GOLM2: variants seen among roughly 807,000 people sequenced by gnomAD.
GOLM2 encodes golgi membrane protein 2.
GOLM2 carries 26 observed loss-of-function variants against 55.9 expected under a neutral mutation model. The observed-to-expected ratio is 0.47, with a 90% CI of 0.34 to 0.65. The LOEUF is 0.65. Among genes scored for constraint, GOLM2 ranks in the 30% least tolerant of loss-of-function variants. The pLI is 0.01. For synonymous variants in GOLM2, 165 were observed against 194.6 expected, an observed-to-expected ratio of 0.85 and a Z score of 1.27; for missense variants, 486 against 531.8, an observed-to-expected ratio of 0.91 and a Z score of 0.85.
intron 4 of GOLM2, 27 bp downstream of exon 4, chr15:44,332,105 C>A (rs760849060): frequency 3.8e-6 from 4 of 1,056,710 alleles, no homozygotes; most frequent in South Asian, 1.5e-5. Context: ...TACTTAAATC[C>A]AAATATTTTT....
chr15:44,314,297 A>G (rs556933136), intron 1 of GOLM2, among the ~76,000 whole-genome samples: 171 of 151,934 alleles, frequency 1.1e-3, no homozygotes, highest in Non-Finnish European at 1.7e-3. Flanking sequence ...GGTGGCTCAC[A>G]CCTGTAATCC....
chr15:44,354,812 C>A, intron 6 of GOLM2: 1 of 178,576 alleles, frequency 5.6e-6, no homozygotes, highest in South Asian at 1.3e-4. Context: ...TCACTGACTC[C>A]AGCTACATGG....
At chr15:44,330,454 A>G (rs2079015327) in intron 3 of GOLM2, among the ~76,000 whole-genome samples, 1 of 145,050 alleles carries the variant, frequency 6.9e-6, no homozygotes, top group Non-Finnish European at 1.5e-5. Context: ...CAGAGGTTGT[A>G]GTGAGCCGAG....
At chr15:44,391,747 AAGAT>A (rs1408772236) in intron 8 of GOLM2, among the ~76,000 whole-genome samples, 4 of 152,204 alleles carry the variant, frequency 2.6e-5, no homozygotes, top group Admixed American at 6.6e-5. Context: ...CTGACAGAAA[AAGAT>A]AGGGAAAATC....
intron 7 of GOLM2, 116 bp from the exon 8 acceptor site, chr15:44,380,690 G>T: frequency 1.6e-6 from 1 of 631,778 alleles, no homozygotes; most frequent in Non-Finnish European, 2.3e-6. Flanking sequence ...AAGCTTTGTG[G>T]CTACCCAATG....
At chr15:44,308,413 T>G (rs939206702) in intron 1 of GOLM2, 2 of 152,246 alleles carry the variant, frequency 1.3e-5, no homozygotes, top group Non-Finnish European at 2.9e-5. Flanking sequence ...TCTTTATGGC[T>G]GATAATATTT....
intron 8 of GOLM2, among the ~76,000 whole-genome samples, chr15:44,401,922 C>T (rs913332774): frequency 2.0e-5 from 3 of 150,590 alleles, no homozygotes; most frequent in Admixed American, 6.6e-5. Flanking sequence ...CTCTGCCTCC[C>T]GGGCTCAAGC....
At chr15:44,374,336 G>A (rs1218077508) in intron 6 of GOLM2, among the ~76,000 whole-genome samples, 4 of 151,804 alleles carry the variant, frequency 2.6e-5, no homozygotes, top group Middle Eastern at 3.4e-3. Flanking sequence ...TGTAGTGGTC[G>A]GATCTTGCAT....
intron 1 of GOLM2, among the ~76,000 whole-genome samples, chr15:44,290,584 C>T (rs750243155): frequency 2.6e-5 from 4 of 152,092 alleles, no homozygotes; most frequent in Admixed American, 6.6e-5. Context: ...TTTATATGTG[C>T]GCTGCATGCT....
At chr15:44,362,174 G>A (rs1237183850) in intron 6 of GOLM2, among the ~76,000 whole-genome samples, 1 of 149,688 alleles carries the variant, frequency 6.7e-6, no homozygotes. Flanking sequence ...ATTCAACATA[G>A]TGTTGGAAGT....
chr15:44,345,868 T>C (rs1257301303), intron 6 of GOLM2: 1 of 152,038 alleles, frequency 6.6e-6, no homozygotes, highest in African/African-American at 2.4e-5. Context: ...TTATTTTCTA[T>C]CAACAGCATC....
chr15:44,410,588 T>C (rs1673900611), intron 9 of GOLM2, among the ~76,000 whole-genome samples: 1 of 151,918 alleles, frequency 6.6e-6, no homozygotes, highest in African/African-American at 2.4e-5. Flanking sequence ...TATTTAAAGA[T>C]AGATCATTTG....
In GOLM2 at chr15:44,314,245, A is replaced by G. The variant is rs559239897; in HGVS notation, c.328-8720A>G. 3.6e-4 allele frequency among the ~76,000 whole-genome samples: 54 copies of G among 151,670 alleles called. No homozygotes were observed. In the East Asian group the frequency reaches 3.7e-3, roughly 10 times the overall value. ...GAGCAAAACTCCGTCTCAAAAAAAA[A>G]AAAAGAAAAGAAAAGAAAATGTAAC... On this transcript the variant is annotated intron_variant, in intron 1 of 9. Coordinates refer to ENST00000299957, the MANE Select transcript of GOLM2 (RefSeq NM_138423.4).
At chr15:44,411,567 C>T (rs972528749) in intron 9 of GOLM2, among the ~76,000 whole-genome samples, 3 of 151,994 alleles carry the variant, frequency 2.0e-5, no homozygotes, top group African/African-American at 4.8e-5. Flanking sequence ...CTACGCCAGG[C>T]GCGGTGGCTT....
chr15:44,410,313 C>T (rs867601614), intron 9 of GOLM2, among the ~76,000 whole-genome samples: 12 of 152,182 alleles, frequency 7.9e-5, no homozygotes, highest in African/African-American at 2.2e-4. Context: ...TGGTGGCGGG[C>T]GCCTGTACTC....
intron 1 of GOLM2, among the ~76,000 whole-genome samples, chr15:44,290,863 G>A (rs531747243): frequency 1.3e-5 from 2 of 151,552 alleles, no homozygotes; most frequent in Admixed American, 1.3e-4. Context: ...GTGCAATGGC[G>A]TGATCTCAGC....
intron 1 of GOLM2, among the ~76,000 whole-genome samples, chr15:44,302,678 A>G (rs1300200304): frequency 6.6e-6 from 1 of 151,688 alleles, no homozygotes; most frequent in Admixed American, 6.6e-5. Flanking sequence ...TTTTGTAGAG[A>G]TGGGGTTTCA....
intron 1 of GOLM2, among the ~76,000 whole-genome samples, chr15:44,318,861 G>A (rs1341443975): frequency 6.6e-6 from 1 of 152,118 alleles, no homozygotes; most frequent in Non-Finnish European, 1.5e-5. Flanking sequence ...TTTCTTACCA[G>A]TTCTCCCTAA....
At chr15:44,382,934 AAAAAG>A (rs1179109876) in intron 8 of GOLM2, among the ~76,000 whole-genome samples, 6 of 151,026 alleles carry the variant, frequency 4.0e-5, no homozygotes, top group African/African-American at 9.7e-5. Flanking sequence ...AAAAAAAAAA[AAAAAG>A]AAAAGAGCCT....
Sources: allele counts gnomAD v4.1 joint callset (sites outside exome capture counted in the v4.1 genomes callset), GRCh38; gene constraint gnomAD v4.1.1; transcripts MANE v1.5; gene names NCBI Gene and HGNC (gene_info 2026-07-23, HGNC 2026-07-21).